UBE2U: variants seen among roughly 807,000 people sequenced by gnomAD.
The protein encoded by UBE2U is ubiquitin conjugating enzyme E2 U, also known as ubiquitin-conjugating enzyme E2 U.
A neutral mutation model predicts 41.2 loss-of-function variants in UBE2U; 39 were observed. That is an observed-to-expected ratio of 0.95 (90% confidence interval 0.73 to 1.24). The LOEUF is 1.24. UBE2U is among the 50% of genes most tolerant of loss of function. The probability of loss-of-function intolerance (pLI) is 0.00; values close to 1 mark genes in which losing one functional copy is unlikely to be tolerated. For missense variants in UBE2U, 336 were observed against 363.1 expected, an observed-to-expected ratio of 0.93 and a Z score of 0.61; for synonymous variants, 107 against 117.8, an observed-to-expected ratio of 0.91 and a Z score of 0.60.
intron 4 of UBE2U, among the ~76,000 whole-genome samples, chr1:64,213,620 C>T (rs544914236): frequency 2.4e-4 from 36 of 152,192 alleles, no homozygotes; most frequent in Middle Eastern, 6.8e-3. Context: ...TCCTTGATTT[C>T]CTGGAGCATA....
chr1:64,223,385 A>C (rs1652627672), intron 6 of UBE2U, among the ~76,000 whole-genome samples: 2 of 152,158 alleles, frequency 1.3e-5, no homozygotes, highest in Admixed American at 1.3e-4. Context: ...TTGCCACCAG[A>C]GAATGTAGTT....
Position 64,238,942 on chromosome 1 carries a change from T to C in UBE2U, c.596-2710T>C, listed in dbSNP as rs370249975. Reference sequence around the variant, plus strand: ...CTATAGTCCCAGCTACTTGGGAGGCTTGAGTGGGAAGATCCCTTGAGCTCA... The same window carrying C: ...CTATAGTCCCAGCTACTTGGGAGGCCTGAGTGGGAAGATCCCTTGAGCTCA... On this transcript the variant is annotated intron_variant, in intron 7 of 9. Coordinates refer to ENST00000371077, the MANE Select transcript of UBE2U (RefSeq NM_001366232.2). Among the ~76,000 whole-genome samples, 66 of 151,526 alleles carry C rather than the reference T, an allele frequency of 4.4e-4. 1 individual carries two copies. The South Asian group carries it at 0.013, about 30-fold the overall frequency.
chr1:64,218,773 A>C, intron 5 of UBE2U, among the ~76,000 whole-genome samples: 1 of 152,328 alleles, frequency 6.6e-6, no homozygotes, highest in Middle Eastern at 3.4e-3. Flanking sequence ...ATAAACCATA[A>C]ATGATTATCT....
At chr1:64,252,274 A>T (rs934009513) in intron 8 of UBE2U, among the ~76,000 whole-genome samples, 2 of 152,072 alleles carry the variant, frequency 1.3e-5, no homozygotes, top group African/African-American at 4.8e-5. Flanking sequence ...TCCTGAGGGG[A>T]GGGGTGGCCA....
At chr1:64,238,411 A>G (rs1252484004) in intron 7 of UBE2U, among the ~76,000 whole-genome samples, 2 of 151,940 alleles carry the variant, frequency 1.3e-5, no homozygotes, top group African/African-American at 2.4e-5. Flanking sequence ...TAAAAAAAAA[A>G]AAAAGAAAAG....
intron 6 of UBE2U, among the ~76,000 whole-genome samples, chr1:64,227,389 A>T (rs556364879): frequency 6.6e-6 from 1 of 152,264 alleles, no homozygotes; most frequent in Non-Finnish European, 1.5e-5. Flanking sequence ...AATATAAAAA[A>T]ACTTGAAAAT....
chr1:64,225,307 T>C (rs535986954), intron 6 of UBE2U, among the ~76,000 whole-genome samples: 1 of 152,204 alleles, frequency 6.6e-6, no homozygotes, highest in Admixed American at 6.5e-5. Flanking sequence ...TTGTATGCTG[T>C]GAGAGAATCA....
chr1:64,205,038 C>G (rs1182745243), intron 1 of UBE2U, among the ~76,000 whole-genome samples: 1 of 152,152 alleles, frequency 6.6e-6, no homozygotes, highest in African/African-American at 2.4e-5. Flanking sequence ...CTCACCCAGA[C>G]AAGCACTAAC....
intron 9 of UBE2U, among the ~76,000 whole-genome samples, chr1:64,264,681 A>G (rs1446233644): frequency 6.6e-6 from 1 of 152,132 alleles, no homozygotes. Context: ...GGCGGGGCGC[A>G]GTGGCTCACG....
intron 8 of UBE2U, among the ~76,000 whole-genome samples, chr1:64,246,571 A>AT (rs142720030): frequency 0.22 from 33,990 of 152,078 alleles, 4,004 homozygotes; most frequent in Middle Eastern, 0.35. Context: ...CACTGCCTGT[A>AT]TTTTTAAATA....
intron 3 of UBE2U, among the ~76,000 whole-genome samples, chr1:64,210,198 T>C (rs763663591): frequency 6.6e-6 from 1 of 152,266 alleles, no homozygotes; most frequent in East Asian, 1.9e-4. Flanking sequence ...CTAGTCATTC[T>C]ACAGTTTTAT....
intron 5 of UBE2U, among the ~76,000 whole-genome samples, chr1:64,220,095 G>A (rs1652333530): frequency 2.6e-5 from 4 of 152,160 alleles, no homozygotes; most frequent in Admixed American, 2.6e-4. Context: ...ATGGACATAT[G>A]ATGAATGGAC....
intron 8 of UBE2U, among the ~76,000 whole-genome samples, chr1:64,252,062 G>T (rs746450618): frequency 1.3e-5 from 2 of 152,246 alleles, no homozygotes; most frequent in Non-Finnish European, 2.9e-5. Context: ...ATTCCAGCCT[G>T]CCAGCTCTGG....
chr1:64,204,334 A>G (rs1452558332), intron 1 of UBE2U, among the ~76,000 whole-genome samples: 1 of 152,226 alleles, frequency 6.6e-6, no homozygotes, highest in Non-Finnish European at 1.5e-5. Flanking sequence ...TGAACATATT[A>G]TGCAGAGTAA....
chr1:64,265,530 C>A (rs1645242694), intron 9 of UBE2U, among the ~76,000 whole-genome samples: 1 of 152,122 alleles, frequency 6.6e-6, no homozygotes, highest in Non-Finnish European at 1.5e-5. Context: ...CTCAGGATAA[C>A]CATAGGATAA....
At chr1:64,254,077 A>G (rs1027480047) in intron 8 of UBE2U, among the ~76,000 whole-genome samples, 36 of 152,222 alleles carry the variant, frequency 2.4e-4, no homozygotes, top group African/African-American at 8.4e-4. Context: ...AAATTTACCA[A>G]GCAAATGGAA....
chr1:64,231,083 AT>A (rs1171903008), intron 6 of UBE2U, among the ~76,000 whole-genome samples: 3 of 152,216 alleles, frequency 2.0e-5, no homozygotes, highest in Non-Finnish European at 4.4e-5. Flanking sequence ...TGCTTTGTAT[AT>A]TCAAACCACA....
In UBE2U at chr1:64,239,158, AAG is replaced by A. The variant is rs1335712733; in HGVS notation, c.596-2492_596-2491del. ...AAGAAGAAGAAGAAGAAGAAGAAGAAAGAAGAAGAAGAAGAAGAAGAAGAAGA... is the reference window on the plus strand; with the variant it reads ...AAGAAGAAGAAGAAGAAGAAGAAGAAAAGAAGAAGAAGAAGAAGAAGAAGA... On this transcript the variant is annotated intron_variant, in intron 7 of 9. Coordinates refer to ENST00000371077, the MANE Select transcript of UBE2U (RefSeq NM_001366232.2). Among the ~76,000 whole-genome samples, 33 of 12,438 alleles carry A rather than the reference AAG, an allele frequency of 2.7e-3. No homozygotes were observed. The South Asian group carries it at 0.035, about 13-fold the overall frequency. The allele number at this position is 12,438 out of a possible 152,430, so 8.2% of individuals were successfully genotyped here.
chr1:64,225,520 C>G (rs1652805830), intron 6 of UBE2U, among the ~76,000 whole-genome samples: 1 of 152,234 alleles, frequency 6.6e-6, no homozygotes, highest in South Asian at 2.1e-4. Flanking sequence ...TCAGATTTAA[C>G]TTTTAAAAGG....
Sources: allele counts gnomAD v4.1 joint callset (sites outside exome capture counted in the v4.1 genomes callset), GRCh38; gene constraint gnomAD v4.1.1; transcripts MANE v1.5; gene names NCBI Gene and HGNC (gene_info 2026-07-23, HGNC 2026-07-21).